ACSS3: variants seen among roughly 807,000 people sequenced by gnomAD.
ACSS3 encodes the protein acyl-CoA synthetase short-chain family member 3, mitochondrial.
ACSS3 carries 64 observed loss-of-function variants against 84.2 expected under a neutral mutation model. The observed-to-expected ratio is 0.76, with a 90% CI of 0.62 to 0.94. The LOEUF is 0.94. ACSS3 is among the 40% of genes least tolerant of loss of function. The pLI is 0.00. For synonymous variants in ACSS3, 317 were observed against 310.1 expected (o/e 1.02, Z -0.23); for missense variants, 815 against 867.6 (o/e 0.94, Z 0.76).
chr12:81,151,626 ATT>A (rs1886613090), intron 5 of ACSS3: 3 of 419,498 alleles, frequency 7.2e-6, no homozygotes, highest in Non-Finnish European at 1.3e-5. Flanking sequence ...GTGAGAATGG[ATT>A]CTAAAAATGG....
At chr12:81,109,751 T>C (rs762948052) in intron 2 of ACSS3, 47 bp downstream of exon 2, 15 of 1,399,536 alleles carry the variant, frequency 1.1e-5, no homozygotes, top group Non-Finnish European at 1.2e-5. Context: ...CATATAGAAA[T>C]TACTTAAATA....
intron 2 of ACSS3, among the ~76,000 whole-genome samples, chr12:81,129,954 C>A (rs1465629156): frequency 1.3e-5 from 2 of 152,086 alleles, no homozygotes; most frequent in African/African-American, 4.8e-5. Flanking sequence ...AGGACATGAA[C>A]TCATCCTTTT....
intron 7 of ACSS3, among the ~76,000 whole-genome samples, chr12:81,161,599 G>GAT (rs1887152324): frequency 6.6e-6 from 1 of 152,176 alleles, no homozygotes; most frequent in Admixed American, 6.5e-5. Context: ...GGAGAGTTTA[G>GAT]ATAACCCTAA....
At chr12:81,172,310 T>C (rs995205862) in intron 7 of ACSS3, among the ~76,000 whole-genome samples, 1 of 149,284 alleles carries the variant, frequency 6.7e-6, no homozygotes, top group African/African-American at 2.5e-5. Context: ...TTTTTTAGTG[T>C]AACAATGGAC....
intron 5 of ACSS3, among the ~76,000 whole-genome samples, chr12:81,149,720 C>T (rs1208983405): frequency 6.6e-6 from 1 of 152,200 alleles, no homozygotes; most frequent in Non-Finnish European, 1.5e-5. Flanking sequence ...CTCACTCCTT[C>T]AGCTTCATTT....
At chr12:81,126,326 G>A (rs547587135) in intron 2 of ACSS3, among the ~76,000 whole-genome samples, 7 of 152,290 alleles carry the variant, frequency 4.6e-5, no homozygotes, top group African/African-American at 1.4e-4. Flanking sequence ...AAAAGTGGAT[G>A]CAATCCTTAA....
chr12:81,198,373 A>G (rs2031938260), intron 8 of ACSS3, among the ~76,000 whole-genome samples: 1 of 152,206 alleles, frequency 6.6e-6, no homozygotes. Flanking sequence ...ATGTTATTGG[A>G]ACATAGGAGT....
chr12:81,194,387 C>G (rs2031727164), intron 8 of ACSS3, among the ~76,000 whole-genome samples: 1 of 151,722 alleles, frequency 6.6e-6, no homozygotes, highest in Non-Finnish European at 1.5e-5. Flanking sequence ...ATAACAATAA[C>G]TTTTTGATAG....
At chr12:81,194,650 A>G (rs529549208) in intron 8 of ACSS3, among the ~76,000 whole-genome samples, 3 of 152,154 alleles carry the variant, frequency 2.0e-5, no homozygotes, top group Non-Finnish European at 4.4e-5. Flanking sequence ...GACGATTGCT[A>G]TAATAATGAT....
intron 7 of ACSS3, among the ~76,000 whole-genome samples, chr12:81,164,385 A>G (rs1887302385): frequency 6.6e-6 from 1 of 152,202 alleles, no homozygotes; most frequent in African/African-American, 2.4e-5. Context: ...AAAATCACCT[A>G]AAGATACATA....
intron 2 of ACSS3, among the ~76,000 whole-genome samples, chr12:81,123,154 A>G (rs1309845954): frequency 6.6e-6 from 1 of 152,208 alleles, no homozygotes; most frequent in Non-Finnish European, 1.5e-5. Flanking sequence ...TTAGAGAAAA[A>G]CAGATTCAAT....
intron 8 of ACSS3, among the ~76,000 whole-genome samples, chr12:81,192,255 C>G (rs1234453986): frequency 6.6e-6 from 1 of 152,046 alleles, no homozygotes; most frequent in African/African-American, 2.4e-5. Context: ...GTGGCGGGTG[C>G]CTGTAATCCC....
At chr12:81,199,526 C>T (rs563342192) in intron 9 of ACSS3, 82 bp downstream of exon 9, 157 of 1,487,606 alleles carry the variant, frequency 1.1e-4, no homozygotes, top group Middle Eastern at 5.2e-4. Flanking sequence ...TTTTGAGCTA[C>T]GACCAGCAGA....
At chr12:81,188,512 A>G (rs977909768) in intron 8 of ACSS3, among the ~76,000 whole-genome samples, 1 of 152,056 alleles carries the variant, frequency 6.6e-6, no homozygotes, top group Admixed American at 6.6e-5. Flanking sequence ...GTCCTTTCCC[A>G]ACCATTATCT....
At position 81,256,433 on chromosome 12, in the gene ACSS3, T is replaced by G. The variant is rs1303404992; in HGVS notation, c.*1511T>G. 6.6e-6 allele frequency: 1 copy of G among 152,160 alleles called. No homozygotes were observed. The highest frequency in any genetic ancestry group is 2.4e-5 in the African/African-American group (1 of 41,456). 9.4% of individuals were successfully genotyped at this position (152,160 alleles called of 1,614,324 possible). On this transcript the variant is annotated 3_prime_UTR_variant, in exon 16 of 16. Coordinates refer to ENST00000548058, the MANE Select transcript of ACSS3 (RefSeq NM_024560.4). ...GGGCCAGTTAACTAAGGTAGACAGATGTAGGAAATTAAATATTTGATTTAC... is the reference window on the plus strand; with the variant it reads ...GGGCCAGTTAACTAAGGTAGACAGAGGTAGGAAATTAAATATTTGATTTAC...
intron 1 of ACSS3, among the ~76,000 whole-genome samples, chr12:81,105,414 G>A (rs1882901579): frequency 6.6e-6 from 1 of 152,068 alleles, no homozygotes; most frequent in Non-Finnish European, 1.5e-5. Context: ...AATTGAACTG[G>A]AGCAGAGAAA....
intron 13 of ACSS3, among the ~76,000 whole-genome samples, chr12:81,240,447 G>T (rs12313443): frequency 2.0e-5 from 3 of 151,614 alleles, no homozygotes; most frequent in Admixed American, 6.6e-5. Context: ...TATTTAAAAT[G>T]GGTTTCTTTC....
chr12:81,175,578 G>A (rs895954535), intron 8 of ACSS3, among the ~76,000 whole-genome samples: 1 of 152,060 alleles, frequency 6.6e-6, no homozygotes, highest in Non-Finnish European at 1.5e-5. Context: ...ATCTGCGTAT[G>A]AGAAATACTC....
intron 13 of ACSS3, among the ~76,000 whole-genome samples, chr12:81,241,950 T>G (rs1199061835): frequency 1.3e-5 from 2 of 152,310 alleles, no homozygotes; most frequent in East Asian, 3.9e-4. Context: ...GGTTTTCTTC[T>G]AGGGTTTTTA....
Sources: gnomAD v4.1 joint callset for allele counts (sites outside exome capture counted in the v4.1 genomes callset) on GRCh38, gnomAD v4.1.1 for gene constraint, MANE v1.5 for transcripts, NCBI Gene and HGNC (gene_info 2026-07-23, HGNC 2026-07-21) for gene names.